Variants in NCOA2 observed in about 807,000 individuals in gnomAD.
The protein encoded by NCOA2 is nuclear receptor coactivator 2, also known as class E basic helix-loop-helix protein 75.
Under a neutral mutation model 145.1 loss-of-function variants are expected in NCOA2, and 21 were observed. The ratio of observed to expected loss-of-function variants is 0.14; its 90% confidence interval spans 0.10 to 0.21. The LOEUF (loss-of-function observed/expected upper bound fraction) is 0.21. NCOA2 is among the 10% of genes least tolerant of loss of function. The probability of loss-of-function intolerance (pLI) is 1.00; values close to 1 mark genes in which losing one functional copy is unlikely to be tolerated. For missense variants in NCOA2, 1,472 were observed against 1,837.6 expected (o/e 0.80, Z 3.64); for synonymous variants, 619 against 637.5 (o/e 0.97, Z 0.44).
At chr8:70,365,771 A>G (rs2131131286) in intron 1 of NCOA2, among the ~76,000 whole-genome samples, 1 of 152,334 alleles carries the variant, frequency 6.6e-6, no homozygotes, top group East Asian at 1.9e-4. Flanking sequence ...ACACTGCTCT[A>G]AGTTCTCCTT....
intron 2 of NCOA2, among the ~76,000 whole-genome samples, chr8:70,254,093 C>T (rs1289271463): frequency 6.6e-6 from 1 of 152,158 alleles, no homozygotes; most frequent in Non-Finnish European, 1.5e-5. Context: ...CTTGAATACA[C>T]ATTTCTCCAA....
chr8:70,128,425 T>C lies in NCOA2; in HGVS notation c.3681+8A>G. 6.2e-7 allele frequency: 1 copy of C among 1,608,848 alleles called. No homozygotes were observed. The highest frequency in any genetic ancestry group is 8.5e-7 in the Non-Finnish European group (1 of 1,177,306). ...CAATGAAAGCTAATGGCTGGTATGT[T>C]GCCTTACCTGTGTTGGTACTCCAGG... On this transcript the variant is annotated splice_region_variant and intron_variant, in intron 18 of 22. Coordinates refer to ENST00000452400, the MANE Select transcript of NCOA2 (RefSeq NM_006540.4).
chr8:70,194,240 TG>T (rs1817012396), intron 4 of NCOA2, among the ~76,000 whole-genome samples: 1 of 152,238 alleles, frequency 6.6e-6, no homozygotes, highest in Admixed American at 6.5e-5. Context: ...ATTTTCTAGG[TG>T]GAAGTTCAGA....
chr8:70,437,777 A>G, the NCOA2 span, among the ~76,000 whole-genome samples: 1 of 152,252 alleles, frequency 6.6e-6, no homozygotes, highest in African/African-American at 2.4e-5. Context: ...AAAATATTAG[A>G]AGAGAAAAGG....
intron 1 of NCOA2, among the ~76,000 whole-genome samples, chr8:70,349,150 G>A (rs184169758): frequency 1.3e-5 from 2 of 151,966 alleles, no homozygotes; most frequent in East Asian, 3.9e-4. Context: ...TATATTTGAG[G>A]TAAAATGACG....
chr8:70,263,894 T>C (rs919499950), intron 2 of NCOA2, among the ~76,000 whole-genome samples: 3 of 152,062 alleles, frequency 2.0e-5, no homozygotes, highest in African/African-American at 7.2e-5. Flanking sequence ...TTCATACCCC[T>C]CATGTTATTA....
At chr8:70,206,277 CCTCT>C (rs1297860293) in intron 4 of NCOA2, among the ~76,000 whole-genome samples, 10 of 63,174 alleles carry the variant, frequency 1.6e-4, no homozygotes, top group African/African-American at 4.7e-4. Flanking sequence ...TTTCCATATT[CCTCT>C]CTCTGTGTCC....
At chr8:70,243,590 A>C (rs1358799415) in intron 2 of NCOA2, among the ~76,000 whole-genome samples, 2 of 152,008 alleles carry the variant, frequency 1.3e-5, no homozygotes, top group Non-Finnish European at 2.9e-5. Flanking sequence ...GTAACAAAAT[A>C]AGATTTAAAA....
Position 70,168,237 on chromosome 8 carries a change from T to C in NCOA2, c.542-1483A>G, listed in dbSNP as rs555532735. ...GGAAAAAGTTAGCTGTAAGAAATTA[T>C]TTGAAAATTACAGAAAAACCCATAA... is the stretch of plus-strand genomic sequence containing the variant. On this transcript the variant is annotated intron_variant, in intron 6 of 22. Transcript: ENST00000452400. 4.6e-5 allele frequency among the ~76,000 whole-genome samples: 7 copies of C among 152,348 alleles called. No homozygotes were observed. The South Asian group carries it at 1.2e-3, about 27-fold the overall frequency.
intron 1 of NCOA2, among the ~76,000 whole-genome samples, chr8:70,343,199 A>C (rs562357057): frequency 7.2e-5 from 11 of 152,340 alleles, no homozygotes; most frequent in Admixed American, 2.6e-4. Context: ...CCTTGGATCA[A>C]ATATCCCTTT....
intron 2 of NCOA2, among the ~76,000 whole-genome samples, chr8:70,248,123 G>C (rs1176327495): frequency 6.6e-6 from 1 of 152,212 alleles, no homozygotes; most frequent in Non-Finnish European, 1.5e-5. Context: ...TTTTATGATG[G>C]TGGTTGTATA....
intron 2 of NCOA2, among the ~76,000 whole-genome samples, chr8:70,263,798 A>G (rs1221063113): frequency 1.3e-5 from 2 of 152,164 alleles, no homozygotes; most frequent in East Asian, 1.9e-4. Context: ...GCAATTCAGA[A>G]GAAGGAATCA....
intron 2 of NCOA2, among the ~76,000 whole-genome samples, chr8:70,261,451 G>GGGGC (rs1824123702): frequency 2.0e-5 from 3 of 151,654 alleles, no homozygotes; most frequent in Non-Finnish European, 2.9e-5. Context: ...TGGGGTGGGG[G>GGGGC]GAGGCGGGAG....
rs1234424027 is a variant in NCOA2 at position 70,156,920 on chromosome 8, G to A, written c.1445C>T (p.Pro482Leu). Residue 482 changes from proline to leucine, a missense_variant, in exon 11 of 23, where the codon CCC becomes CTC. Pro to Leu is a moderately conservative substitution (Grantham distance 98). Around this residue, in one of 4 missense-constraint regions of NCOA2, gnomAD observed 953 missense variants for 1,062.1 expected, o/e 0.90. Transcript: ENST00000452400. Reference protein sequence around the residue: ...QSSPGMNPGQPTSMLSPRHRM... With the variant: ...QSSPGMNPGQLTSMLSPRHRM... Reference sequence around the variant, plus strand: ...ATGCCTTGGTGAAAGCATGGAGGTGGGCTGTCCTGGATTCATGCCAGGGCT... The same window carrying A: ...ATGCCTTGGTGAAAGCATGGAGGTGAGCTGTCCTGGATTCATGCCAGGGCT... 1 of 1,613,998 alleles carries A rather than the reference G, an allele frequency of 6.2e-7. No individual in the cohort carries two copies. Among genetic ancestry groups the A allele is most frequent in the East Asian group, 2.2e-5 (1 of 44,874 alleles).
At chr8:70,171,469 C>T (rs1402197250) in intron 5 of NCOA2, among the ~76,000 whole-genome samples, 2 of 152,140 alleles carry the variant, frequency 1.3e-5, no homozygotes, top group Admixed American at 6.5e-5. Flanking sequence ...ATCATGTTTA[C>T]CTTGGTGATG....
intron 2 of NCOA2, among the ~76,000 whole-genome samples, chr8:70,217,341 C>T (rs2133957243): frequency 6.6e-6 from 1 of 152,298 alleles, no homozygotes; most frequent in South Asian, 2.1e-4. Flanking sequence ...GGGGATCTTC[C>T]TGGCCCCTCG....
intron 2 of NCOA2, among the ~76,000 whole-genome samples, chr8:70,296,084 A>G (rs1190826055): frequency 6.6e-6 from 1 of 152,228 alleles, no homozygotes; most frequent in Non-Finnish European, 1.5e-5. Flanking sequence ...TTTACTGTAT[A>G]CCAGGCACCA....
intron 9 of NCOA2, among the ~76,000 whole-genome samples, chr8:70,161,528 G>C (rs1022963562): frequency 2.6e-5 from 4 of 151,924 alleles, no homozygotes; most frequent in African/African-American, 9.7e-5. Context: ...ATAAGATGAG[G>C]GGAAAAAAAG....
chr8:70,313,273 A>C (rs988389829), intron 1 of NCOA2, among the ~76,000 whole-genome samples: 2 of 152,210 alleles, frequency 1.3e-5, no homozygotes, highest in Admixed American at 6.5e-5. Context: ...TTATTCCCAA[A>C]GGGATTAGGC....
Sources: allele counts gnomAD v4.1 joint callset (sites outside exome capture counted in the v4.1 genomes callset), GRCh38; gene constraint gnomAD v4.1.1; regional missense constraint gnomAD v4.1.1; transcripts MANE v1.5; gene names NCBI Gene and HGNC (gene_info 2026-07-23, HGNC 2026-07-21).